The following PCOLCE2 variants were observed in gnomAD, a reference collection of about 807,000 sequenced individuals.
The protein encoded by PCOLCE2 is procollagen C-proteinase enhancer 2.
A neutral mutation model predicts 47.0 loss-of-function variants in PCOLCE2; 42 were observed. The ratio of observed to expected loss-of-function variants is 0.89; its 90% confidence interval spans 0.70 to 1.16. The LOEUF is 1.16. PCOLCE2 is among the 50% of genes most tolerant of loss of function. The probability of loss-of-function intolerance (pLI) is 0.00; values close to 1 mark genes in which losing one functional copy is unlikely to be tolerated. For synonymous variants in PCOLCE2, 169 were observed against 191.7 expected, an observed-to-expected ratio of 0.88 and a Z score of 0.98; for missense variants, 500 against 526.1, an observed-to-expected ratio of 0.95 and a Z score of 0.49.
chr3:142,846,270 C>T (rs1937327516), intron 3 of PCOLCE2, among the ~76,000 whole-genome samples: 1 of 152,192 alleles, frequency 6.6e-6, no homozygotes, highest in African/African-American at 2.4e-5. Context: ...GCAATCTCGG[C>T]TCCCTGCAAC....
At chr3:142,847,226 C>T (rs1021329655) in intron 3 of PCOLCE2, among the ~76,000 whole-genome samples, 3 of 152,176 alleles carry the variant, frequency 2.0e-5, no homozygotes, top group Non-Finnish European at 2.9e-5. Context: ...GGGCTCTCCT[C>T]CACATATGTA....
At chr3:142,846,934 T>C (rs1937334518) in intron 3 of PCOLCE2, among the ~76,000 whole-genome samples, 1 of 152,262 alleles carries the variant, frequency 6.6e-6, no homozygotes, top group Admixed American at 6.5e-5. Context: ...TGTTTGCTAA[T>C]TGCAACATGT....
chr3:142,887,240 TTTTCC>T (rs1183674621), intron 2 of PCOLCE2: 1 of 152,914 alleles, frequency 6.5e-6, no homozygotes, highest in African/African-American at 2.4e-5. Context: ...TTTTTTTTCT[TTTTCC>T]TTTCCTAATG....
At chr3:142,832,152 T>C (rs367877768) in intron 5 of PCOLCE2, among the ~76,000 whole-genome samples, 1 of 152,164 alleles carries the variant, frequency 6.6e-6, no homozygotes, top group Non-Finnish European at 1.5e-5. Flanking sequence ...AAACACCATG[T>C]CCTGCCATTT....
At chr3:142,880,442 T>G (rs1933591432) in intron 2 of PCOLCE2, among the ~76,000 whole-genome samples, 2 of 152,200 alleles carry the variant, frequency 1.3e-5, no homozygotes, top group South Asian at 4.1e-4. Context: ...TTAAGTGACT[T>G]CAAAGTTGAG....
At chr3:142,865,172 A>G (rs1331150498) in intron 2 of PCOLCE2, among the ~76,000 whole-genome samples, 1 of 149,286 alleles carries the variant, frequency 6.7e-6, no homozygotes, top group East Asian at 2.0e-4. Flanking sequence ...TTTTTTTGTT[A>G]AAGTCATCCT....
intron 5 of PCOLCE2, among the ~76,000 whole-genome samples, chr3:142,835,394 C>G (rs1937191938): frequency 6.6e-6 from 1 of 152,078 alleles, no homozygotes; most frequent in Non-Finnish European, 1.5e-5. Flanking sequence ...ATCAATGAAG[C>G]TATGCCAATT....
chr3:142,821,229 T>C (rs1937009656), intron 7 of PCOLCE2, among the ~76,000 whole-genome samples, 184 bp from the exon 8 acceptor site: 1 of 152,208 alleles, frequency 6.6e-6, no homozygotes, highest in Admixed American at 6.5e-5. Context: ...GGAGCTGTGA[T>C]GTTACGCTGG....
intron 2 of PCOLCE2, among the ~76,000 whole-genome samples, chr3:142,872,393 C>CTGGGG (rs1221399715): frequency 6.6e-6 from 1 of 152,106 alleles, no homozygotes; most frequent in Non-Finnish European, 1.5e-5. Flanking sequence ...TCTTCAGGAT[C>CTGGGG]TACCCCACTT....
rs190058960 is a variant in PCOLCE2, at chr3:142,835,251, A to G, written c.710+3519T>C. 1.4e-3 allele frequency among the ~76,000 whole-genome samples: 215 copies of G among 152,276 alleles called. 2 individuals are homozygous for G. Among genetic ancestry groups the G allele is most frequent in the Middle Eastern group, 6.8e-3 (2 of 294 alleles). On this transcript the variant is annotated intron_variant, in intron 5 of 8. Transcript: ENST00000295992. ...TAATTTTTTAATTTTTTTGCTTCAAATAATCTTATGTACAAGTTTACAAGT... is the reference window on the plus strand; with the variant it reads ...TAATTTTTTAATTTTTTTGCTTCAAGTAATCTTATGTACAAGTTTACAAGT...
At chr3:142,854,486 A>G (rs150148711) in intron 2 of PCOLCE2, among the ~76,000 whole-genome samples, 1 of 152,316 alleles carries the variant, frequency 6.6e-6, no homozygotes, top group East Asian at 1.9e-4. Flanking sequence ...TTATTCATCT[A>G]TATTCTGGGT....
chr3:142,867,600 A>T lies in PCOLCE2; in HGVS notation c.193-19128T>A, dbSNP rs568809438. Among the ~76,000 whole-genome samples, 16 of 152,330 alleles carry T rather than the reference A, an allele frequency of 1.1e-4. 1 individual carries two copies. In the Middle Eastern group the frequency reaches 0.014, roughly 130 times the overall value. On this transcript the variant is annotated intron_variant, in intron 2 of 8. Coordinates refer to ENST00000295992, the MANE Select transcript of PCOLCE2 (RefSeq NM_013363.4). ...GTACACTTCACAAAGACCAATATGC[A>T]CATGAAAAAAGAGTTCAATCTTATT...
At chr3:142,876,671 A>C (rs887293119) in intron 2 of PCOLCE2, among the ~76,000 whole-genome samples, 1 of 152,090 alleles carries the variant, frequency 6.6e-6, no homozygotes, top group Non-Finnish European at 1.5e-5. Flanking sequence ...CATGGTTGGC[A>C]CCTCAGCTGA....
intron 3 of PCOLCE2, chr3:142,843,446 A>G (rs570793942): frequency 4.8e-4 from 172 of 360,956 alleles, no homozygotes; most frequent in Non-Finnish European, 7.3e-4. Context: ...GAATTAGTTG[A>G]TATAGACAGC....
At position 142,876,144 on chromosome 3, in the gene PCOLCE2, T is replaced by C. The variant is rs537044740; in HGVS notation, c.192+11525A>G. Among the ~76,000 whole-genome samples, 15 of 152,330 alleles carry C rather than the reference T, an allele frequency of 9.8e-5. No individual in the cohort carries two copies. In the South Asian group the frequency reaches 2.9e-3, roughly 29 times the overall value. On this transcript the variant is annotated intron_variant, in intron 2 of 8. Coordinates refer to ENST00000295992, the MANE Select transcript of PCOLCE2 (RefSeq NM_013363.4). ...TGTCATTCTTACATCACCATCCTAT[T>C]TTGTGGTTTCTCTCCTGCTTCTAGA...
intron 8 of PCOLCE2, 86 bp downstream of exon 8, chr3:142,820,792 T>C (rs1937003998): frequency 1.8e-6 from 2 of 1,139,268 alleles, no homozygotes; most frequent in East Asian, 2.4e-5. Flanking sequence ...GGGCAACATA[T>C]TAGCCCTGAT....
At chr3:142,851,948 A>C (rs1932948674) in intron 2 of PCOLCE2, among the ~76,000 whole-genome samples, 1 of 152,196 alleles carries the variant, frequency 6.6e-6, no homozygotes, top group South Asian at 2.1e-4. Flanking sequence ...TTGTTCCCAA[A>C]AGTTTTGTAC....
At chr3:142,858,197 C>A (rs1370294323) in intron 2 of PCOLCE2, among the ~76,000 whole-genome samples, 1 of 152,194 alleles carries the variant, frequency 6.6e-6, no homozygotes, top group Non-Finnish European at 1.5e-5. Flanking sequence ...CCTCGGCATC[C>A]ACAGGTCTCA....
At chr3:142,888,617 C>G (rs914272007) in intron 1 of PCOLCE2, 197 bp downstream of exon 1, 5 of 426,630 alleles carry the variant, frequency 1.2e-5, no homozygotes, top group Non-Finnish European at 2.1e-5. Context: ...GGAGGGAGCC[C>G]CGCGAGCAAG....
Sources: allele counts gnomAD v4.1 joint callset (sites outside exome capture counted in the v4.1 genomes callset), GRCh38; gene constraint gnomAD v4.1.1; transcripts MANE v1.5; gene names NCBI Gene and HGNC (gene_info 2026-07-23, HGNC 2026-07-21).